The following PDE1A variants were observed in gnomAD, a reference collection of about 807,000 sequenced individuals.
PDE1A encodes the protein phosphodiesterase 1A.
PDE1A carries 35 observed loss-of-function variants against 61.7 expected under a neutral mutation model. The ratio of observed to expected loss-of-function variants is 0.57; its 90% CI spans 0.43 to 0.75. The LOEUF (loss-of-function observed/expected upper bound fraction) is 0.75. Ranked by LOEUF, PDE1A falls within the 30% of genes least tolerant of loss-of-function variation. The pLI is 0.00. For synonymous variants in PDE1A, 232 were observed against 213.2 expected (o/e 1.09, Z -0.77); for missense variants, 597 against 630.6 (o/e 0.95, Z 0.57).
chr2:182,306,201 T>C (rs2125930597), intron 1 of PDE1A, among the ~76,000 whole-genome samples: 1 of 152,232 alleles, frequency 6.6e-6, no homozygotes, highest in African/African-American at 2.4e-5. Context: ...TTGCCACAAA[T>C]GACAGAATTT....
the PDE1A span, among the ~76,000 whole-genome samples, chr2:182,697,979 T>C: frequency 1.3e-5 from 2 of 152,200 alleles, no homozygotes; most frequent in Non-Finnish European, 2.9e-5. Flanking sequence ...AAATAGGCAC[T>C]CAATAAATGT....
intron 1 of PDE1A, among the ~76,000 whole-genome samples, chr2:182,295,785 A>G (rs1694844672): frequency 6.6e-6 from 1 of 152,166 alleles, no homozygotes; most frequent in South Asian, 2.1e-4. Context: ...AAAATGTTTG[A>G]TTTAACATTA....
intron 1 of PDE1A, among the ~76,000 whole-genome samples, chr2:182,402,722 T>A (rs1028526166): frequency 1.3e-5 from 2 of 152,076 alleles, no homozygotes; most frequent in Admixed American, 6.6e-5. Context: ...AAAGAAACTA[T>A]CATCAGAGTG....
intron 11 of PDE1A, among the ~76,000 whole-genome samples, chr2:182,187,725 T>C (rs1372702259): frequency 6.7e-6 from 1 of 150,168 alleles, no homozygotes; most frequent in Non-Finnish European, 1.5e-5. Context: ...AGTTCTATGT[T>C]CTTTTTTTGT....
the PDE1A span, among the ~76,000 whole-genome samples, chr2:182,604,507 C>G: frequency 0.28 from 42,101 of 152,002 alleles, 6,362 homozygotes; most frequent in Non-Finnish European, 0.35. Context: ...CTTAAAATGA[C>G]AAAAGTAATC....
At chr2:182,469,666 C>A (rs1157833178) in intron 2 of PDE1A, among the ~76,000 whole-genome samples, 1 of 151,938 alleles carries the variant, frequency 6.6e-6, no homozygotes, top group Non-Finnish European at 1.5e-5. Context: ...GTGCAAGAGG[C>A]CAAGCTTTCA....
At chr2:182,552,599 C>T in the PDE1A span, among the ~76,000 whole-genome samples, 1 of 151,998 alleles carries the variant, frequency 6.6e-6, no homozygotes, top group African/African-American at 2.4e-5. Flanking sequence ...GTGACCGCAT[C>T]CACCTTTAAA....
intron 2 of PDE1A, among the ~76,000 whole-genome samples, chr2:182,498,745 C>A (rs1465657037): frequency 6.6e-6 from 1 of 151,782 alleles, no homozygotes; most frequent in Non-Finnish European, 1.5e-5. Context: ...GAGATCGAGA[C>A]CATCCTGGCT....
intron 2 of PDE1A, among the ~76,000 whole-genome samples, chr2:182,488,979 A>G (rs1158251627): frequency 6.6e-6 from 1 of 152,270 alleles, no homozygotes; most frequent in African/African-American, 2.4e-5. Context: ...TGGGCAATTA[A>G]GCAAATAAAT....
At chr2:182,169,142 C>A (rs558667595) in intron 13 of PDE1A, among the ~76,000 whole-genome samples, 1 of 151,950 alleles carries the variant, frequency 6.6e-6, no homozygotes, top group Non-Finnish European at 1.5e-5. Flanking sequence ...TATAGAAGGA[C>A]AATTTTGGCT....
At chr2:182,616,498 T>C in the PDE1A span, among the ~76,000 whole-genome samples, 1 of 152,238 alleles carries the variant, frequency 6.6e-6, no homozygotes, top group Non-Finnish European at 1.5e-5. Flanking sequence ...TAAAGTCTCA[T>C]GACATGCCTG....
chr2:182,704,736 AT>A, the PDE1A span, among the ~76,000 whole-genome samples: 1 of 152,220 alleles, frequency 6.6e-6, no homozygotes, highest in South Asian at 2.1e-4. Context: ...GGTCAACTAG[AT>A]TTTCATATCT....
intron 1 of PDE1A, among the ~76,000 whole-genome samples, chr2:182,319,386 G>T (rs1010871709): frequency 3.3e-5 from 5 of 152,070 alleles, no homozygotes; most frequent in East Asian, 1.9e-4. Context: ...TTAACCTTTT[G>T]TTTTCTGGGC....
the PDE1A span, among the ~76,000 whole-genome samples, chr2:182,559,711 A>C: frequency 4.2e-4 from 64 of 152,306 alleles, no homozygotes; most frequent in African/African-American, 1.5e-3. Flanking sequence ...AAATAGCATC[A>C]AACTGAAAAC....
intron 1 of PDE1A, among the ~76,000 whole-genome samples, chr2:182,296,406 T>C (rs1694887140): frequency 6.6e-6 from 1 of 152,182 alleles, no homozygotes; most frequent in East Asian, 1.9e-4. Flanking sequence ...TTGCAAATAT[T>C]TGGATGTCTG....
chr2:182,527,323 A>AT (rs1559543393), upstream of PDE1A, among the ~76,000 whole-genome samples: 29 of 41,082 alleles, frequency 7.1e-4, no homozygotes, highest in African/African-American at 3.0e-3. Context: ...AAAAAAAAAA[A>AT]AAAAATATAT....
chr2:182,614,836 C>T, the PDE1A span, among the ~76,000 whole-genome samples: 1 of 152,170 alleles, frequency 6.6e-6, no homozygotes, highest in Non-Finnish European at 1.5e-5. Flanking sequence ...GGATTACAGG[C>T]GTAAGCCATT....
chr2:182,627,151 T>A, the PDE1A span, among the ~76,000 whole-genome samples: 2 of 37,644 alleles, frequency 5.3e-5, no homozygotes, highest in Admixed American at 6.0e-4. Flanking sequence ...AAATATTATT[T>A]ATATATAAAA....
chr2:182,292,552 G>T (rs981543074), intron 1 of PDE1A, among the ~76,000 whole-genome samples: 2 of 151,720 alleles, frequency 1.3e-5, no homozygotes, highest in African/African-American at 4.8e-5. Flanking sequence ...AATATTCAAG[G>T]TATATTCTTG....
Sources: gnomAD v4.1 joint callset for allele counts (sites outside exome capture counted in the v4.1 genomes callset) on GRCh38, gnomAD v4.1.1 for gene constraint, MANE v1.5 for transcripts, NCBI Gene and HGNC (gene_info 2026-07-23, HGNC 2026-07-21) for gene names.